Variants in PKP4 observed in about 807,000 individuals in gnomAD.
PKP4 encodes the protein plakophilin-4.
In PKP4, 90 loss-of-function variants were observed where a neutral mutation model predicts 145.1. That is an observed-to-expected ratio of 0.62 (90% CI 0.52 to 0.74). PKP4 has a LOEUF of 0.74. PKP4 is among the 30% of genes least tolerant of loss of function. The pLI, the probability that PKP4 is intolerant of heterozygous loss-of-function variation, is 0.00. For missense variants in PKP4, 1,340 were observed against 1,482.7 expected (o/e 0.90, Z 1.58); for synonymous variants, 563 against 577.2 (o/e 0.98, Z 0.35).
At chr2:158,639,520 C>G (rs2105927771) in intron 9 of PKP4, among the ~76,000 whole-genome samples, 1 of 152,266 alleles carries the variant, frequency 6.6e-6, no homozygotes, top group Non-Finnish European at 1.5e-5. Flanking sequence ...AAGGTTTACT[C>G]AGTATGAATT....
chr2:158,612,969 A>G (rs1426881651), intron 4 of PKP4, among the ~76,000 whole-genome samples: 1 of 152,174 alleles, frequency 6.6e-6, no homozygotes, highest in Non-Finnish European at 1.5e-5. Flanking sequence ...TTTTTCTATC[A>G]TGAAAAATGC....
At chr2:158,479,688 C>A (rs750778332) in intron 1 of PKP4, among the ~76,000 whole-genome samples, 1 of 151,968 alleles carries the variant, frequency 6.6e-6, no homozygotes, top group South Asian at 2.1e-4. Flanking sequence ...CTAATAGCAA[C>A]TGTATTAAGG....
intron 1 of PKP4, among the ~76,000 whole-genome samples, chr2:158,469,026 G>T (rs1181420679): frequency 3.3e-5 from 5 of 151,758 alleles, no homozygotes; most frequent in African/African-American, 9.7e-5. Context: ...CAATCCTCCT[G>T]CCTCAGCATC....
chr2:158,623,221 G>T (rs1353519381), intron 6 of PKP4, among the ~76,000 whole-genome samples: 1 of 152,044 alleles, frequency 6.6e-6, no homozygotes, highest in Non-Finnish European at 1.5e-5. Flanking sequence ...ACCCAGGCTG[G>T]AGTACAATAT....
intron 4 of PKP4, among the ~76,000 whole-genome samples, chr2:158,610,891 C>T (rs2051085343): frequency 6.6e-6 from 1 of 152,164 alleles, no homozygotes; most frequent in Admixed American, 6.5e-5. Context: ...GCTGCTCTGT[C>T]CCCACCAGCC....
intron 7 of PKP4, among the ~76,000 whole-genome samples, chr2:158,627,364 A>T (rs1158710073): frequency 6.6e-6 from 1 of 152,128 alleles, no homozygotes; most frequent in East Asian, 1.9e-4. Flanking sequence ...TATTGTCTCC[A>T]TATTTAACCC....
At chr2:158,549,204 C>T (rs907682832) in intron 2 of PKP4, 1 of 181,000 alleles carries the variant, frequency 5.5e-6, no homozygotes, top group African/African-American at 2.3e-5. Context: ...CGCTAAAGGA[C>T]TTGCCACTAA....
rs778242895 is a variant in PKP4, at chr2:158,621,441, A to G, written c.603+20A>G. ...GTTCAGGTAAGCCAAACGCATCAAG[A>G]TCTCTGCAAAGAAATACCTTCCGGC... On this transcript the variant is annotated intron_variant, in intron 6 of 21. Coordinates refer to ENST00000389759, the MANE Select transcript of PKP4 (RefSeq NM_003628.6). 1.2e-6 allele frequency: 2 copies of G among 1,606,232 alleles called. No homozygotes were observed. The highest frequency in any genetic ancestry group is 3.3e-5 in the Admixed American group (2 of 59,878).
intron 1 of PKP4, among the ~76,000 whole-genome samples, chr2:158,532,238 A>G (rs1418861241): frequency 6.6e-6 from 1 of 152,322 alleles, no homozygotes; most frequent in South Asian, 2.1e-4. Flanking sequence ...ATAGTCTCAG[A>G]TGTCCCTATT....
chr2:158,513,160 A>G (rs571055364), intron 1 of PKP4, among the ~76,000 whole-genome samples: 70 of 152,306 alleles, frequency 4.6e-4, no homozygotes, highest in African/African-American at 1.7e-3. Flanking sequence ...ATTTTGGTCT[A>G]CATGTTAAGA....
rs369577973 is a variant in PKP4, at chr2:158,459,109, T to TA, written c.-6+1894dup. Among the ~76,000 whole-genome samples, 226 of 152,334 alleles carry TA rather than the reference T, an allele frequency of 1.5e-3. 1 individual carries two copies. The highest frequency in any genetic ancestry group is 5.0e-3 in the African/African-American group (208 of 41,582). On this transcript the variant is annotated intron_variant, in intron 1 of 21. Transcript: ENST00000389759. The stretch of plus-strand genomic sequence containing the variant: ...ATTGAGCTTAGATTCTTTTTATTTT[T>TA]AAAGAGAAACTAGAAGAATGCTTCT...
chr2:158,619,973 T>C (rs2052043776), intron 4 of PKP4, among the ~76,000 whole-genome samples: 1 of 151,904 alleles, frequency 6.6e-6, no homozygotes, highest in Non-Finnish European at 1.5e-5. Flanking sequence ...CCTTCTCTCA[T>C]AACTGCATAG....
At chr2:158,676,595 C>T (rs2058030427) in intron 19 of PKP4, 144 bp from the exon 20 acceptor site, 8 of 989,978 alleles carry the variant, frequency 8.1e-6, no homozygotes, top group Non-Finnish European at 1.2e-5. Context: ...CTTCCACTCC[C>T]AGCACCTCTG....
At chr2:158,675,308 A>AT (rs1171729358) in intron 19 of PKP4, among the ~76,000 whole-genome samples, 1 of 145,494 alleles carries the variant, frequency 6.9e-6, no homozygotes, top group African/African-American at 2.7e-5. Flanking sequence ...ACATTATGAG[A>AT]TTTTTTTGGT....
intron 2 of PKP4, among the ~76,000 whole-genome samples, chr2:158,554,431 T>A (rs986535133): frequency 1.4e-4 from 12 of 86,198 alleles, no homozygotes; most frequent in African/African-American, 4.1e-4. Context: ...TTATTATTAT[T>A]TTTTTTTTTT....
chr2:158,496,225 C>G (rs1695691705), intron 1 of PKP4, among the ~76,000 whole-genome samples: 1 of 152,262 alleles, frequency 6.6e-6, no homozygotes, highest in Admixed American at 6.5e-5. Context: ...AAGTGATCCA[C>G]CTGCTCCAGC....
intron 2 of PKP4, among the ~76,000 whole-genome samples, chr2:158,548,255 G>T (rs2045265543): frequency 6.6e-6 from 1 of 152,112 alleles, no homozygotes; most frequent in African/African-American, 2.4e-5. Context: ...TTTAAGATTG[G>T]AACAGTTATA....
rs1341015060 is a variant in PKP4, at chr2:158,681,097, T to G, written c.*420T>G. On this transcript the variant is annotated 3_prime_UTR_variant, in exon 22 of 22. Coordinates refer to ENST00000389759, the MANE Select transcript of PKP4 (RefSeq NM_003628.6). The stretch of plus-strand genomic sequence containing the variant: ...GCTATTACTAAATGTCAAGATTGTA[T>G]GCTATTATGTCTTGTAAATTTCTTT... 6.3e-6 allele frequency: 1 copy of G among 159,006 alleles called. No homozygotes were observed. Among genetic ancestry groups the G allele is most frequent in the Non-Finnish European group, 1.4e-5 (1 of 72,012 alleles). 9.8% of individuals were successfully genotyped at this position (159,006 alleles called of 1,614,324 possible).
At chr2:158,678,375 G>A (rs564837134) in intron 20 of PKP4, among the ~76,000 whole-genome samples, 1 of 152,002 alleles carries the variant, frequency 6.6e-6, no homozygotes, top group Non-Finnish European at 1.5e-5. Context: ...CCATAGTTTT[G>A]CCATTAGCCC....
Sources: allele counts gnomAD v4.1 joint callset (sites outside exome capture counted in the v4.1 genomes callset), GRCh38; gene constraint gnomAD v4.1.1; transcripts MANE v1.5; gene names NCBI Gene and HGNC (gene_info 2026-07-23, HGNC 2026-07-21).